Variants in NPAS3 observed in about 807,000 individuals in gnomAD.
NPAS3 encodes neuronal PAS domain-containing protein 3.
Under a neutral mutation model 73.1 loss-of-function variants are expected in NPAS3, and 14 were observed. That is an observed-to-expected ratio of 0.19 (90% CI 0.13 to 0.30). The LOEUF is 0.30. Among genes scored for constraint, NPAS3 ranks in the 10% least tolerant of loss-of-function variants. The pLI is 1.00. For synonymous variants in NPAS3, 620 were observed against 541.5 expected, an observed-to-expected ratio of 1.14 and a Z score of -2.01; for missense variants, 1,096 against 1,250.0, an observed-to-expected ratio of 0.88 and a Z score of 1.86.
intron 1 of NPAS3, among the ~76,000 whole-genome samples, chr14:32,991,958 C>T (rs143985672): frequency 6.6e-6 from 1 of 152,232 alleles, no homozygotes; most frequent in Non-Finnish European, 1.5e-5. Context: ...AAATTATTCG[C>T]TTACCATTAG....
At chr14:33,327,618 T>A (rs932798992) in intron 3 of NPAS3, among the ~76,000 whole-genome samples, 1 of 152,212 alleles carries the variant, frequency 6.6e-6, no homozygotes, top group African/African-American at 2.4e-5. Context: ...AGAAGGATTC[T>A]AAGAAGAGAG....
Position 33,416,433 on chromosome 14 carries a change from G to A in NPAS3, c.468+49165G>A, listed in dbSNP as rs548828657. Among the ~76,000 whole-genome samples, 3 of 152,018 alleles carry A rather than the reference G, an allele frequency of 2.0e-5. No individual in the cohort carries two copies. The South Asian group carries it at 6.2e-4, about 31-fold the overall frequency. On this transcript the variant is annotated intron_variant, in intron 4 of 11. Coordinates refer to ENST00000356141, the Ensembl canonical transcript of NPAS3. The stretch of plus-strand genomic sequence containing the variant: ...TTCCATAACGTGTTTCTGGTAAGGG[G>A]TTTCTTTTTTTTTCTGTCTTAAATA...
rs566035061 is a variant in NPAS3 at position 33,676,542 on chromosome 14, A to T, written c.733+157A>T. ...CATGCAGTAATTAAATAAGGAAGAG[A>T]TCTGAAAATAAGGAGACATTTTAAT... On this transcript the variant is annotated intron_variant, in intron 6 of 11. Coordinates refer to ENST00000356141, the Ensembl canonical transcript of NPAS3. Among the ~76,000 whole-genome samples the T allele has an allele frequency of 1.6e-4, 24 of 152,320 alleles. No individual in the cohort carries two copies. In the South Asian group the frequency reaches 4.8e-3, roughly 30 times the overall value.
At chr14:33,026,467 G>A (rs760438190) in intron 1 of NPAS3, among the ~76,000 whole-genome samples, 2 of 151,932 alleles carry the variant, frequency 1.3e-5, no homozygotes, top group Non-Finnish European at 2.9e-5. Context: ...CATGTGAATG[G>A]TTTGGGAAGA....
intron 2 of NPAS3, among the ~76,000 whole-genome samples, chr14:33,115,215 T>C (rs187101815): frequency 5.7e-4 from 87 of 152,212 alleles, no homozygotes; most frequent in Admixed American, 1.2e-3. Flanking sequence ...GCTGTTCACT[T>C]TGATAGTTGG....
rs375096571 is a variant in NPAS3 at position 33,656,560 on chromosome 14, TTTC to T, written c.559-19645_559-19643del. 1.6e-3 allele frequency among the ~76,000 whole-genome samples: 240 copies of T among 152,254 alleles called. 1 individual carries two copies. Among genetic ancestry groups the T allele is most frequent in the Non-Finnish European group, 2.8e-3 (193 of 68,006 alleles). On this transcript the variant is annotated intron_variant, in intron 5 of 11. Coordinates refer to ENST00000356141, the Ensembl canonical transcript of NPAS3. Reference sequence around the variant, plus strand: ...ATCACTGGAATGTGACACAGACTGATTTCTTCTTTTTAAAATTTTTTAATTGAA... The same window carrying T: ...ATCACTGGAATGTGACACAGACTGATTTCTTTTTAAAATTTTTTAATTGAA...
intron 7 of NPAS3, among the ~76,000 whole-genome samples, chr14:33,747,962 C>T (rs1389443377): frequency 6.6e-6 from 1 of 152,202 alleles, no homozygotes; most frequent in Admixed American, 6.5e-5. Context: ...CTGCTCCTTA[C>T]TGTTCTTCAT....
intron 4 of NPAS3, among the ~76,000 whole-genome samples, chr14:33,391,135 T>A (rs2046983141): frequency 1.3e-5 from 2 of 150,464 alleles, no homozygotes; most frequent in African/African-American, 4.9e-5. Context: ...AATCAAATAT[T>A]AAGAGACAAT....
In NPAS3 at chr14:33,758,218, G is replaced by A. The variant is rs139019865; in HGVS notation, c.853-16119G>A. On this transcript the variant is annotated intron_variant, in intron 7 of 11. Coordinates refer to ENST00000356141, the Ensembl canonical transcript of NPAS3. ...ACCTACTCCACTTTGTCCTCTGTCT[G>A]CACTCCTCTCCATTTCTGAACACAA... Among the ~76,000 whole-genome samples, 450 of 152,226 alleles carry A rather than the reference G, an allele frequency of 3.0e-3. 3 individuals carry two copies. The highest frequency in any genetic ancestry group is 9.2e-3 in the African/African-American group (384 of 41,516).
At chr14:33,623,805 A>G (rs906500005) in intron 5 of NPAS3, among the ~76,000 whole-genome samples, 17 of 152,148 alleles carry the variant, frequency 1.1e-4, no homozygotes, top group African/African-American at 4.1e-4. Context: ...GCCCTCTCTT[A>G]ATAATTCAGG....
At chr14:33,619,554 G>A (rs983010850) in intron 5 of NPAS3, among the ~76,000 whole-genome samples, 2 of 152,158 alleles carry the variant, frequency 1.3e-5, no homozygotes, top group African/African-American at 2.4e-5. Context: ...TTCAGACAAG[G>A]ATGTATATGA....
intron 5 of NPAS3, among the ~76,000 whole-genome samples, chr14:33,663,726 G>T (rs143247123): frequency 0.066 from 10,010 of 152,164 alleles, 454 homozygotes; most frequent in South Asian, 0.18. Flanking sequence ...TTCAGAACTT[G>T]TTATTGGTCT....
At chr14:33,077,679 G>A (rs2041705271) in intron 2 of NPAS3, among the ~76,000 whole-genome samples, 1 of 149,910 alleles carries the variant, frequency 6.7e-6, no homozygotes, top group African/African-American at 2.4e-5. Context: ...CTTCTGCTTA[G>A]CACTTTCAAG....
intron 3 of NPAS3, among the ~76,000 whole-genome samples, chr14:33,250,680 C>T (rs2048549870): frequency 6.6e-6 from 1 of 152,032 alleles, no homozygotes; most frequent in African/African-American, 2.4e-5. Context: ...ATTATTCATG[C>T]TTGATTGTGG....
chr14:33,023,959 A>G (rs10137723), intron 1 of NPAS3, among the ~76,000 whole-genome samples: 3,864 of 152,258 alleles, frequency 0.025, 167 homozygotes, highest in African/African-American at 0.089. Context: ...GAAAAAAGAT[A>G]CTGATGTGGC....
downstream of NPAS3, chr14:33,803,263 G>A (rs2063757030): frequency 6.6e-6 from 1 of 152,134 alleles, no homozygotes; most frequent in Admixed American, 6.6e-5. Flanking sequence ...AAACAAAATG[G>A]GAGGGGATAA....
At chr14:33,430,394 C>T (rs886421731) in intron 4 of NPAS3, among the ~76,000 whole-genome samples, 4 of 152,092 alleles carry the variant, frequency 2.6e-5, no homozygotes, top group African/African-American at 9.7e-5. Flanking sequence ...ATCACACTGG[C>T]TCTCCTTGGG....
At chr14:33,140,199 G>A (rs748425918) in intron 2 of NPAS3, among the ~76,000 whole-genome samples, 14 of 152,048 alleles carry the variant, frequency 9.2e-5, no homozygotes, top group Non-Finnish European at 1.9e-4. Flanking sequence ...ATTGAAATAA[G>A]TGTGGCATAT....
chr14:33,484,629 A>G (rs919351407), intron 4 of NPAS3, among the ~76,000 whole-genome samples: 2 of 152,224 alleles, frequency 1.3e-5, no homozygotes, highest in Non-Finnish European at 2.9e-5. Flanking sequence ...TGTGGATTTC[A>G]AAGTAGTCAC....
Sources: gnomAD v4.1 joint callset for allele counts (sites outside exome capture counted in the v4.1 genomes callset) on GRCh38, gnomAD v4.1.1 for gene constraint, MANE v1.5 for transcripts, NCBI Gene and HGNC (gene_info 2026-07-23, HGNC 2026-07-21) for gene names.